KDM4C: variants seen among roughly 807,000 people sequenced by gnomAD.
KDM4C encodes the protein lysine-specific demethylase 4C.
KDM4C carries 81 observed loss-of-function variants against 129.3 expected under a neutral mutation model. That is an observed-to-expected ratio of 0.63 (90% CI 0.52 to 0.75). KDM4C has a LOEUF of 0.75. Ranked by LOEUF, KDM4C falls within the 30% of genes least tolerant of loss-of-function variation. The pLI is 0.00. For synonymous variants in KDM4C, 573 were observed against 456.1 expected (o/e 1.26, Z -3.26); for missense variants, 1,457 against 1,304.0 (o/e 1.12, Z -1.81).
At chr9:6,930,750 C>CTT (rs148070508) in intron 8 of KDM4C, among the ~76,000 whole-genome samples, 37,315 of 148,008 alleles carry the variant, frequency 0.25, 5,201 homozygotes, top group South Asian at 0.39. Context: ...TATTATGTAT[C>CTT]ATATATATGA....
chr9:7,156,634 G>C lies in KDM4C; in HGVS notation c.2782-8604G>C, dbSNP rs187741452. ...AATCCTTTCCCCATTTCTTGTTTTT[G>C]TCAGGTTTGTCAAAGATCAGATGGT... On this transcript the variant is annotated intron_variant, in intron 19 of 21. Coordinates refer to ENST00000381309, the MANE Select transcript of KDM4C (RefSeq NM_015061.6). Among the ~76,000 whole-genome samples the C allele has an allele frequency of 2.5e-3, 388 of 152,184 alleles. 1 individual carries two copies. The highest frequency in any genetic ancestry group is 8.6e-3 in the African/African-American group (356 of 41,520).
intron 8 of KDM4C, among the ~76,000 whole-genome samples, chr9:6,902,427 A>G (rs559043073): frequency 2.0e-5 from 3 of 152,294 alleles, no homozygotes; most frequent in African/African-American, 7.2e-5. Flanking sequence ...AAAAAACCCA[A>G]CATAATCACC....
intron 17 of KDM4C, among the ~76,000 whole-genome samples, chr9:7,058,811 T>C (rs1831227196): frequency 6.6e-6 from 1 of 152,200 alleles, no homozygotes; most frequent in South Asian, 2.1e-4. Context: ...GTAAAACATT[T>C]TAGTGATAGT....
At chr9:7,165,183 A>C (rs1844246499) in intron 19 of KDM4C, 55 bp from the exon 20 acceptor site, 11 of 1,596,900 alleles carry the variant, frequency 6.9e-6, no homozygotes, top group Non-Finnish European at 8.5e-6. Flanking sequence ...GCTAAGTTCT[A>C]AATGCAGTCA....
intron 19 of KDM4C, among the ~76,000 whole-genome samples, chr9:7,163,672 G>A (rs1431382287): frequency 6.6e-6 from 1 of 152,136 alleles, no homozygotes; most frequent in East Asian, 1.9e-4. Context: ...ATACCTTCCA[G>A]TGTTCTCGGT....
intron 2 of KDM4C, among the ~76,000 whole-genome samples, chr9:6,796,972 T>A (rs182328998): frequency 7.6e-4 from 114 of 150,338 alleles, no homozygotes; most frequent in Non-Finnish European, 1.4e-3. Context: ...CCACCCATGA[T>A]GTTCTTTGTT....
chr9:6,928,484 C>T (rs926722636), intron 8 of KDM4C, among the ~76,000 whole-genome samples: 4 of 152,210 alleles, frequency 2.6e-5, no homozygotes, highest in Non-Finnish European at 5.9e-5. Flanking sequence ...CCCCTTATTA[C>T]TCGGATCTGT....
chr9:7,158,347 T>C (rs1843414965), intron 19 of KDM4C, among the ~76,000 whole-genome samples: 1 of 152,072 alleles, frequency 6.6e-6, no homozygotes, highest in African/African-American at 2.4e-5. Context: ...GTTTTTTGTG[T>C]CTCTATCTCT....
At chr9:7,067,076 AC>A (rs1442640403) in intron 17 of KDM4C, among the ~76,000 whole-genome samples, 1 of 152,250 alleles carries the variant, frequency 6.6e-6, no homozygotes, top group Non-Finnish European at 1.5e-5. Flanking sequence ...AACCAGCAAC[AC>A]AAAATCACTC....
intron 19 of KDM4C, among the ~76,000 whole-genome samples, chr9:7,138,997 C>A (rs147519567): frequency 9.0e-4 from 137 of 152,088 alleles, no homozygotes; most frequent in Non-Finnish European, 1.6e-3. Flanking sequence ...CTAGGCCAGG[C>A]GCAGTGGCTG....
chr9:7,124,906 C>T (rs1382090124), intron 18 of KDM4C, among the ~76,000 whole-genome samples: 1 of 152,076 alleles, frequency 6.6e-6, no homozygotes, highest in Non-Finnish European at 1.5e-5. Flanking sequence ...GGGGCTTTCC[C>T]CTTTGTCCAA....
At chr9:6,910,477 G>A (rs1295059371) in intron 8 of KDM4C, among the ~76,000 whole-genome samples, 1 of 152,152 alleles carries the variant, frequency 6.6e-6, no homozygotes, top group African/African-American at 2.4e-5. Context: ...CAAAAGACAG[G>A]CAGTTCACTA....
At chr9:6,748,947 T>C in intron 1 of KDM4C, 1 of 886,102 alleles carries the variant, frequency 1.1e-6, no homozygotes, top group East Asian at 2.5e-5. Context: ...CACCATAACC[T>C]TCTGCACTTT....
chr9:6,858,450 C>T (rs1014071467), intron 5 of KDM4C, among the ~76,000 whole-genome samples: 1 of 152,112 alleles, frequency 6.6e-6, no homozygotes, highest in African/African-American at 2.4e-5. Flanking sequence ...GTTTACCCAA[C>T]TTTCTTTATT....
chr9:7,028,885 C>G (rs1001672265), intron 15 of KDM4C, among the ~76,000 whole-genome samples: 1 of 151,956 alleles, frequency 6.6e-6, no homozygotes, highest in African/African-American at 2.4e-5. Context: ...TCTGTGCTCT[C>G]CTGTGCCATG....
intron 17 of KDM4C, among the ~76,000 whole-genome samples, chr9:7,061,713 C>T (rs1359167134): frequency 6.6e-6 from 1 of 152,214 alleles, no homozygotes; most frequent in African/African-American, 2.4e-5. Flanking sequence ...CCAATATCGA[C>T]TCTACCCTCA....
intron 1 of KDM4C, among the ~76,000 whole-genome samples, chr9:6,770,185 G>C (rs931902508): frequency 1.1e-4 from 16 of 147,648 alleles, no homozygotes; most frequent in African/African-American, 4.0e-4. Flanking sequence ...ATCTCAAAAA[G>C]GAAAAACAAA....
intron 2 of KDM4C, among the ~76,000 whole-genome samples, chr9:6,803,763 AAAAAG>A (rs1829450769): frequency 6.6e-6 from 1 of 151,952 alleles, no homozygotes; most frequent in African/African-American, 2.4e-5. Flanking sequence ...AAAAAAAAAA[AAAAAG>A]AAAAGTTCCA....
chr9:7,019,246 A>G (rs544968274), intron 15 of KDM4C, among the ~76,000 whole-genome samples: 1 of 152,272 alleles, frequency 6.6e-6, no homozygotes, highest in South Asian at 2.1e-4. Context: ...GGCTGCAATG[A>G]TTGCATTTTT....
Sources: gnomAD v4.1 joint callset for allele counts (sites outside exome capture counted in the v4.1 genomes callset) on GRCh38, gnomAD v4.1.1 for gene constraint, MANE v1.5 for transcripts, NCBI Gene and HGNC (gene_info 2026-07-23, HGNC 2026-07-21) for gene names.